Variants in IMMP2L observed in about 807,000 individuals in gnomAD.
The protein encoded by IMMP2L is mitochondrial inner membrane protease subunit 2.
In IMMP2L, 18 loss-of-function variants were observed where a neutral mutation model predicts 19.3. That is an observed-to-expected ratio of 0.93 (90% CI 0.64 to 1.38). The LOEUF (loss-of-function observed/expected upper bound fraction) is 1.38, where lower values mean the gene tolerates loss of function less well. IMMP2L is among the 40% of genes most tolerant of loss of function. The probability of loss-of-function intolerance (pLI) is 0.00; values close to 1 mark genes in which losing one functional copy is unlikely to be tolerated. For missense variants in IMMP2L, 233 were observed against 218.2 expected, an observed-to-expected ratio of 1.07 and a Z score of -0.43; for synonymous variants, 76 against 73.0, an observed-to-expected ratio of 1.04 and a Z score of -0.21.
intron 3 of IMMP2L, among the ~76,000 whole-genome samples, chr7:110,981,871 C>T (rs1266559601): frequency 6.6e-6 from 1 of 152,202 alleles, no homozygotes; most frequent in East Asian, 1.9e-4. Flanking sequence ...GCCACTTTCT[C>T]ATTTCGAAGA....
At chr7:111,558,138 C>T (rs1197793154) in intron 1 of IMMP2L, among the ~76,000 whole-genome samples, 2 of 152,074 alleles carry the variant, frequency 1.3e-5, no homozygotes, top group African/African-American at 4.8e-5. Context: ...ACAGAGAAGC[C>T]AGAGAAAAAG....
rs766727262 is a variant in IMMP2L, at chr7:111,124,902, A to G, written c.240-161337T>C. 3 of 1,527,578 alleles carry G rather than the reference A, an allele frequency of 2.0e-6. No homozygotes were observed. The South Asian group carries it at 3.9e-5, about 20-fold the overall frequency. The allele number at this position is 1,527,578 out of a possible 1,614,324, so 94.6% of individuals were successfully genotyped here. On this transcript the variant is annotated intron_variant, in intron 3 of 5. Coordinates refer to ENST00000405709, the MANE Select transcript of IMMP2L (RefSeq NM_032549.4). ...GTTTACCAACAAATATGTCCTAAAAACCACCAAGGAAACCTACTCCAAAAA... is the reference window on the plus strand; with the variant it reads ...GTTTACCAACAAATATGTCCTAAAAGCCACCAAGGAAACCTACTCCAAAAA...
At chr7:111,320,208 T>C (rs1345322528) in intron 3 of IMMP2L, among the ~76,000 whole-genome samples, 4 of 152,064 alleles carry the variant, frequency 2.6e-5, no homozygotes, top group Non-Finnish European at 4.4e-5. Flanking sequence ...AAGCTAATTC[T>C]ATGAAATCCC....
At chr7:111,184,771 G>GTGTT (rs1808084940) in intron 3 of IMMP2L, among the ~76,000 whole-genome samples, 1 of 151,712 alleles carries the variant, frequency 6.6e-6, no homozygotes. Context: ...TTTAAAAAGT[G>GTGTT]TGTGTGTGTG....
intron 5 of IMMP2L, among the ~76,000 whole-genome samples, chr7:110,754,081 C>T (rs970048968): frequency 6.6e-6 from 1 of 151,914 alleles, no homozygotes; most frequent in African/African-American, 2.4e-5. Context: ...TTCCTGTCCT[C>T]TTTTCAAGAT....
chr7:111,438,965 C>G (rs577867281), intron 3 of IMMP2L, among the ~76,000 whole-genome samples: 1 of 151,860 alleles, frequency 6.6e-6, no homozygotes, highest in African/African-American at 2.4e-5. Flanking sequence ...GGAAACACTT[C>G]TTGCCTCAGA....
chr7:110,850,033 G>T (rs565001474), intron 5 of IMMP2L, among the ~76,000 whole-genome samples: 29 of 151,982 alleles, frequency 1.9e-4, no homozygotes, highest in African/African-American at 7.0e-4. Context: ...GTATGTAGAA[G>T]ATAATGAAAT....
At chr7:111,413,042 A>G (rs1347968592) in intron 3 of IMMP2L, among the ~76,000 whole-genome samples, 1 of 92,912 alleles carries the variant, frequency 1.1e-5, no homozygotes, top group Non-Finnish European at 2.3e-5. Context: ...AATATCAGAA[A>G]TAAAAAAGGA....
At chr7:111,531,894 G>C (rs981765442) in intron 1 of IMMP2L, among the ~76,000 whole-genome samples, 3 of 151,908 alleles carry the variant, frequency 2.0e-5, no homozygotes, top group Admixed American at 2.0e-4. Flanking sequence ...ACCAGCATCA[G>C]GAATACTTAC....
chr7:111,328,798 T>C (rs1321362209), intron 3 of IMMP2L, among the ~76,000 whole-genome samples: 1 of 151,798 alleles, frequency 6.6e-6, no homozygotes, highest in African/African-American at 2.4e-5. Flanking sequence ...ACATGAAACT[T>C]CAACGTGCCC....
At chr7:111,254,273 A>C (rs1308773801) in intron 3 of IMMP2L, among the ~76,000 whole-genome samples, 2 of 152,096 alleles carry the variant, frequency 1.3e-5, no homozygotes, top group African/African-American at 4.8e-5. Context: ...TTTCAAAGTA[A>C]AATGAATGAT....
At chr7:111,300,688 T>C (rs1448206364) in intron 3 of IMMP2L, among the ~76,000 whole-genome samples, 1 of 152,174 alleles carries the variant, frequency 6.6e-6, no homozygotes, top group Non-Finnish European at 1.5e-5. Context: ...AAGAATCTTA[T>C]ATAAAGGTAT....
intron 3 of IMMP2L, among the ~76,000 whole-genome samples, chr7:111,017,057 A>G (rs1391517726): frequency 7.0e-6 from 1 of 142,350 alleles, no homozygotes; most frequent in Non-Finnish European, 1.5e-5. Context: ...ATTTTTTAAT[A>G]TATGTGCCTT....
At chr7:111,381,384 A>G (rs1645077686) in intron 3 of IMMP2L, among the ~76,000 whole-genome samples, 1 of 152,032 alleles carries the variant, frequency 6.6e-6, no homozygotes, top group African/African-American at 2.4e-5. Flanking sequence ...TCTACTGAGC[A>G]TTTGAAATGT....
At chr7:111,049,902 G>T (rs1201461357) in intron 3 of IMMP2L, among the ~76,000 whole-genome samples, 1 of 152,200 alleles carries the variant, frequency 6.6e-6, no homozygotes, top group Non-Finnish European at 1.5e-5. Context: ...GGAAGTGTGA[G>T]AAATGAAAAG....
intron 3 of IMMP2L, among the ~76,000 whole-genome samples, chr7:111,373,957 T>C (rs1830460097): frequency 6.6e-6 from 1 of 152,068 alleles, no homozygotes; most frequent in Admixed American, 6.6e-5. Flanking sequence ...TTTTTTCCCC[T>C]ACTTTTTTAA....
At chr7:111,076,902 T>C (rs552356727) in intron 3 of IMMP2L, among the ~76,000 whole-genome samples, 1 of 152,186 alleles carries the variant, frequency 6.6e-6, no homozygotes, top group Non-Finnish European at 1.5e-5. Flanking sequence ...ATAAAAGGCT[T>C]TTACTTTCCT....
At chr7:110,857,106 G>A (rs918115297) in intron 5 of IMMP2L, among the ~76,000 whole-genome samples, 2 of 152,066 alleles carry the variant, frequency 1.3e-5, no homozygotes, top group African/African-American at 2.4e-5. Context: ...ATAGCTATTT[G>A]TGTGCCATAG....
In IMMP2L at chr7:110,884,003, A is replaced by G. The variant is rs957724101; in HGVS notation, c.408+2590T>C. ...TTACTAAAATTAATATTTATAATAAATGAAAGAATTGCTGCAGGCATTTTT... is the reference window on the plus strand; with the variant it reads ...TTACTAAAATTAATATTTATAATAAGTGAAAGAATTGCTGCAGGCATTTTT... On this transcript the variant is annotated intron_variant, in intron 5 of 5. Transcript: ENST00000405709. Among the ~76,000 whole-genome samples the G allele has an allele frequency of 5.9e-5, 9 of 152,170 alleles. No individual in the cohort carries two copies. The South Asian group carries it at 1.9e-3, about 32-fold the overall frequency.
Sources: gnomAD v4.1 joint callset for allele counts (sites outside exome capture counted in the v4.1 genomes callset) on GRCh38, gnomAD v4.1.1 for gene constraint, MANE v1.5 for transcripts, NCBI Gene and HGNC (gene_info 2026-07-23, HGNC 2026-07-21) for gene names.